The following HHEX variants were observed in gnomAD, a reference collection of about 807,000 sequenced individuals.
HHEX encodes hematopoietically expressed homeobox, also known as hematopoietically-expressed homeobox protein HHEX.
A neutral mutation model predicts 27.0 loss-of-function variants in HHEX; 8 were observed. The ratio of observed to expected loss-of-function variants is 0.30; its 90% CI spans 0.17 to 0.54. The LOEUF (loss-of-function observed/expected upper bound fraction) is 0.54. Among genes scored for constraint, HHEX ranks in the 20% least tolerant of loss-of-function variants. The pLI is 0.95. For synonymous variants in HHEX, 164 were observed against 161.5 expected (o/e 1.02, Z -0.12); for missense variants, 326 against 357.2 (o/e 0.91, Z 0.70).
At position 92,692,755 on chromosome 10, in the gene HHEX, A is replaced by G. The variant is rs771228365; in HGVS notation, c.591+3A>G. On this transcript the variant is annotated splice_donor_region_variant and intron_variant, in intron 3 of 3. Transcript: ENST00000282728. ...CTAAATGGAGGAGACTAAAACAGGT[A>G]TGGACATGGTTCTGTTTCTATGGAA... The G allele has an allele frequency of 2.5e-6, 4 of 1,608,780 alleles. No individual in the cohort carries two copies. In the African/African-American group the frequency reaches 5.3e-5, roughly 21 times the overall value.
In HHEX at chr10:92,692,291, C is replaced by T. The variant is rs1361860546; in HGVS notation, c.362-77C>T. On this transcript the variant is annotated intron_variant, in intron 1 of 3. Coordinates refer to ENST00000282728, the MANE Select transcript of HHEX (RefSeq NM_002729.5). ...TGGCCTCCTGGCCTACCTTTGTCAT[C>T]CCTGGGGCCCGACAGCTCTGGGGTC... 10 of 1,501,058 alleles carry T rather than the reference C, an allele frequency of 6.7e-6. No individual in the cohort carries two copies. The South Asian group carries it at 1.1e-4, about 17-fold the overall frequency. 93.0% of individuals were successfully genotyped at this position (1,501,058 alleles called of 1,614,324 possible).
At chr10:92,693,048 G>A (rs1564729339) in intron 3 of HHEX, among the ~76,000 whole-genome samples, 1 of 152,190 alleles carries the variant, frequency 6.6e-6, no homozygotes, top group Non-Finnish European at 1.5e-5. Context: ...ATTAACGCAG[G>A]AAAGATAAAG....
chr10:92,693,292 C>T (rs1373598259), intron 3 of HHEX, among the ~76,000 whole-genome samples: 6 of 152,178 alleles, frequency 3.9e-5, no homozygotes, highest in Non-Finnish European at 8.8e-5. Flanking sequence ...AATATTCAAG[C>T]CTGTTTGGAA....
chr10:92,694,732 C>T lies in HHEX; in HGVS notation c.777C>T (p.Asp259=). Residue 259 remains aspartate (D), a synonymous_variant, in exon 4 of 4, where the codon GAC becomes GAT. Transcript: ENST00000282728. ...CAGAGGATTCTGATCAGGAAGTGGA[C>T]ATTGAGGGCGATAAAAGCTATTTTA... The part of the protein sequence containing the change: ...EISEDSDQEV[D]IEGDKSYFNA... The T allele has an allele frequency of 1.9e-6, 3 of 1,613,904 alleles. No homozygotes were observed. The highest frequency in any genetic ancestry group is 2.5e-6 in the Non-Finnish European group (3 of 1,179,864).
intron 2 of HHEX, 43 bp downstream of exon 2, chr10:92,692,589 G>A: frequency 6.2e-7 from 1 of 1,610,742 alleles, no homozygotes; most frequent in Non-Finnish European, 8.5e-7. Flanking sequence ...GGGAAGGGAA[G>A]GCTTCTGGGG....
chr10:92,690,153 C>T lies in HHEX; in HGVS notation c.167C>T (p.Ser56Phe). 1 of 1,554,838 alleles carries T rather than the reference C, an allele frequency of 6.4e-7. No individual in the cohort carries two copies. The highest frequency in any genetic ancestry group is 8.7e-7 in the Non-Finnish European group (1 of 1,149,826). ...GCCCCCACGCTGCCGTCCCCCAACT[C>T]CTCCTTCACCAGCCTCGTGTCCCCC... is the stretch of plus-strand genomic sequence containing the variant. ...TPAPTLPSPNSSFTSLVSPYR... is the reference protein window; with the variant it reads ...TPAPTLPSPNFSFTSLVSPYR... The change falls in exon 1 of 4, where the codon TCC (serine) becomes TTC (phenylalanine). Residue 56 changes from serine to phenylalanine, a missense_variant. Coordinates refer to ENST00000282728, the MANE Select transcript of HHEX (RefSeq NM_002729.5).
In HHEX at chr10:92,689,979, G is replaced by GCGGAGCCATGCAGTACCCGCACCC; in HGVS notation, c.-4_20dup. ...CAGCTCTGCGAGGGGCCGGAGCGCG[G>GCGGAGCCATGCAGTACCCGCACCC]CGGAGCCATGCAGTACCCGCACCCC... On this transcript the variant is annotated 5_prime_UTR_variant, in exon 1 of 4. The change creates a new upstream start codon in the 5' untranslated region. Transcript: ENST00000282728. 1.4e-6 allele frequency: 2 copies of GCGGAGCCATGCAGTACCCGCACCC among 1,380,000 alleles called. No individual in the cohort carries two copies. The highest frequency in any genetic ancestry group is 1.9e-6 in the Non-Finnish European group (2 of 1,074,332). The allele number at this position is 1,380,000 out of a possible 1,614,324, so 85.5% of individuals were successfully genotyped here.
At chr10:92,692,776 T>A (rs775484791) in intron 3 of HHEX, 24 bp downstream of exon 3, 6 of 1,592,086 alleles carry the variant, frequency 3.8e-6, no homozygotes, top group Non-Finnish European at 5.2e-6. Context: ...TCTGTTTCTA[T>A]GGAAATAAAT....
intron 1 of HHEX, among the ~76,000 whole-genome samples, chr10:92,690,827 C>T (rs929262510): frequency 6.6e-6 from 1 of 152,202 alleles, no homozygotes; most frequent in African/African-American, 2.4e-5. Flanking sequence ...GTTTCAGAAG[C>T]TGTTAAGTGT....
chr10:92,689,999 C>A lies in HHEX; in HGVS notation c.13C>A (p.His5Asn). 6.8e-7 allele frequency: 1 copy of A among 1,464,538 alleles called. No homozygotes were observed. The allele number at this position is 1,464,538 out of a possible 1,614,324, so 90.7% of individuals were successfully genotyped here. A position where few individuals can be genotyped will look rare whatever the true frequency, so the allele number is the denominator to read the frequency against. Residue 5 changes from histidine (H) to asparagine (N), a missense_variant, in exon 1 of 4, where the codon CAC becomes AAC. Physicochemically the swap from His to Asn is moderately conservative, Grantham distance 68. Coordinates refer to ENST00000282728, the MANE Select transcript of HHEX (RefSeq NM_002729.5). Reference sequence around the variant, plus strand: ...GCGCGGCGGAGCCATGCAGTACCCGCACCCCGGGCCGGCGGCGGGCGCCGT... The same window carrying A: ...GCGCGGCGGAGCCATGCAGTACCCGAACCCCGGGCCGGCGGCGGGCGCCGT... MQYP[H>N]PGPAAGAVGV...
In HHEX at chr10:92,694,885, T is replaced by A; in HGVS notation, c.*117T>A. On this transcript the variant is annotated 3_prime_UTR_variant, in exon 4 of 4. Transcript: ENST00000282728. ...AGAAAGGGAATCAATTCTCTGGTAT[T>A]CTGGAAACCTAAAAATATTTGGTGC... is the stretch of plus-strand genomic sequence containing the variant. 1.3e-6 allele frequency: 1 copy of A among 748,180 alleles called. No homozygotes were observed. The highest frequency in any genetic ancestry group is 2.7e-5 in the East Asian group (1 of 37,458). 46.3% of individuals were successfully genotyped at this position (748,180 alleles called of 1,614,324 possible).
intron 1 of HHEX, 25 bp from the exon 2 acceptor site, chr10:92,692,343 T>A: frequency 3.1e-6 from 5 of 1,610,460 alleles, no homozygotes; most frequent in Non-Finnish European, 4.2e-6. Context: ...GGGCAGTGGG[T>A]GAGCGCCGCT....
At chr10:92,694,110 C>G (rs1346162153) in intron 3 of HHEX, among the ~76,000 whole-genome samples, 1 of 152,072 alleles carries the variant, frequency 6.6e-6, no homozygotes, top group African/African-American at 2.4e-5. Context: ...CTTAATTCAC[C>G]AGTTAGCATT....
intron 1 of HHEX, among the ~76,000 whole-genome samples, chr10:92,691,220 C>T (rs1845352046): frequency 6.6e-6 from 1 of 152,162 alleles, no homozygotes; most frequent in Non-Finnish European, 1.5e-5. Flanking sequence ...ACACATAGGG[C>T]ATATATTCCA....
chr10:92,690,131 C>T lies in HHEX; in HGVS notation c.145C>T (p.Pro49Ser). 1.3e-6 allele frequency: 2 copies of T among 1,549,006 alleles called. No individual in the cohort carries two copies. Among genetic ancestry groups the T allele is most frequent in the Non-Finnish European group, 8.7e-7 (1 of 1,146,316 alleles). The stretch of plus-strand genomic sequence containing the variant: ...CGGGCCCGCCGCGCCCACGCCCGCC[C>T]CCACGCTGCCGTCCCCCAACTCCTC... ...GRGPAAPTPA[P>S]TLPSPNSSFT... Residue 49 changes from proline (P) to serine (S), a missense_variant, in exon 1 of 4, where the codon CCC becomes TCC. This residue lies in a region of HHEX where 215 missense variants were observed against 196.4 expected (regional missense o/e 1.09). Transcript: ENST00000282728.
chr10:92,690,035 C>G lies in HHEX; in HGVS notation c.49C>G (p.Leu17Val), dbSNP rs1845334186. ...GPAAGAVGVP[L>V]YAPTPLLQPA... Reference sequence around the variant, plus strand: ...GGCGGCGGGCGCCGTGGGGGTGCCGCTGTACGCGCCCACGCCGCTGCTGCA... The same window carrying G: ...GGCGGCGGGCGCCGTGGGGGTGCCGGTGTACGCGCCCACGCCGCTGCTGCA... The change falls in exon 1 of 4, where the codon CTG (leucine) becomes GTG (valine). Residue 17 changes from leucine (L) to valine (V), a missense_variant. Physicochemically the swap from Leu to Val is conservative, Grantham distance 32. Around this residue, in one of 4 missense-constraint regions of HHEX, gnomAD observed 215 missense variants for 196.4 expected, o/e 1.09. Coordinates refer to ENST00000282728, the MANE Select transcript of HHEX (RefSeq NM_002729.5). 1 of 1,518,268 alleles carries G rather than the reference C, an allele frequency of 6.6e-7. No individual in the cohort carries two copies. The highest frequency in any genetic ancestry group is 2.1e-5 in the Admixed American group (1 of 47,548). 94.0% of individuals were successfully genotyped at this position (1,518,268 alleles called of 1,614,324 possible). A position where few individuals can be genotyped will look rare whatever the true frequency, so the allele number is the denominator to read the frequency against.
At chr10:92,691,269 A>G (rs758574861) in intron 1 of HHEX, among the ~76,000 whole-genome samples, 3 of 152,088 alleles carry the variant, frequency 2.0e-5, no homozygotes, top group African/African-American at 7.2e-5. Flanking sequence ...CGGCCTAACA[A>G]ATAAGCCGCC....
At chr10:92,692,833 A>G in intron 3 of HHEX, 81 bp downstream of exon 3, 1 of 1,173,378 alleles carries the variant, frequency 8.5e-7, no homozygotes, top group Non-Finnish European at 1.3e-6. Flanking sequence ...GGTTGTATGC[A>G]AAAGTCATTT....
chr10:92,691,052 A>C (rs764948668), intron 1 of HHEX, among the ~76,000 whole-genome samples: 1 of 152,110 alleles, frequency 6.6e-6, no homozygotes, highest in Non-Finnish European at 1.5e-5. Context: ...GCTGTTTTGC[A>C]CCAGTCTGAA....
Sources: allele counts gnomAD v4.1 joint callset (sites outside exome capture counted in the v4.1 genomes callset), GRCh38; gene constraint gnomAD v4.1.1; regional missense constraint gnomAD v4.1.1; transcripts MANE v1.5; gene names NCBI Gene and HGNC (gene_info 2026-07-23, HGNC 2026-07-21).